Variants in EPS15L1 observed in about 807,000 individuals in gnomAD.
The protein encoded by EPS15L1 is epidermal growth factor receptor pathway substrate 15 like 1.
In EPS15L1, 43 loss-of-function variants were observed where a neutral mutation model predicts 117.1. The observed-to-expected ratio is 0.37, with a 90% CI of 0.29 to 0.47. EPS15L1 has a LOEUF of 0.47. EPS15L1 is among the 20% of genes least tolerant of loss of function. The pLI is 0.99. For synonymous variants in EPS15L1, 459 were observed against 470.5 expected (o/e 0.98, Z 0.32); for missense variants, 981 against 1,164.0 (o/e 0.84, Z 2.29).
chr19:16,431,101 T>C (rs1360730167), intron 7 of EPS15L1, among the ~76,000 whole-genome samples: 16 of 151,512 alleles, frequency 1.1e-4, no homozygotes, highest in Non-Finnish European at 1.9e-4. Flanking sequence ...TAGCTGGGCG[T>C]GATGGGGTGC....
At chr19:16,462,557 G>T (rs1389474200) in intron 1 of EPS15L1, among the ~76,000 whole-genome samples, 4 of 152,208 alleles carry the variant, frequency 2.6e-5, no homozygotes, top group Admixed American at 1.3e-4. Flanking sequence ...TGTAATCCCA[G>T]CTACTTGGGA....
chr19:16,400,669 C>T, intron 16 of EPS15L1: 1 of 985,402 alleles, frequency 1.0e-6, no homozygotes, highest in Non-Finnish European at 1.2e-6. Context: ...AGGATAAAAA[C>T]AGTTTTTCTT....
intron 16 of EPS15L1, among the ~76,000 whole-genome samples, chr19:16,395,976 C>A (rs145868009): frequency 6.7e-6 from 1 of 148,984 alleles, no homozygotes; most frequent in Non-Finnish European, 1.5e-5. Flanking sequence ...GGTGTGGTGG[C>A]GTGTACCTAT....
At chr19:16,403,233 C>G (rs530695711) in intron 15 of EPS15L1, among the ~76,000 whole-genome samples, 345 of 152,254 alleles carry the variant, frequency 2.3e-3, no homozygotes, top group Non-Finnish European at 3.7e-3. Flanking sequence ...AGCCAGCGCC[C>G]CCCCCTGGAC....
chr19:16,417,619 C>T lies in EPS15L1; in HGVS notation c.1126G>A (p.Gly376Ser), dbSNP rs1311247543. Reference sequence around the variant, plus strand: ...TTCACGCCAGTAAACTCCCCGGAGCCGAGAGAGCCTGAACTGTCCTAGAAT... The same window carrying T: ...TTCACGCCAGTAAACTCCCCGGAGCTGAGAGAGCCTGAACTGTCCTAGAAT... ...TPGPDSSGSL[G>S]SGEFTGVKEL... The change falls in exon 12 of 24, where the codon GGC becomes AGC. Residue 376 changes from glycine (G) to serine (S), a missense_variant. By Grantham distance (56) the Gly-to-Ser change is moderately conservative. Around this residue, in one of 5 missense-constraint regions of EPS15L1, gnomAD observed 819 missense variants for 949.0 expected, o/e 0.86. Coordinates refer to ENST00000455140, the MANE Select transcript of EPS15L1 (RefSeq NM_001258374.3). The T allele has an allele frequency of 1.5e-5, 24 of 1,614,154 alleles. No individual in the cohort carries two copies. Among genetic ancestry groups the T allele is most frequent in the Non-Finnish European group, 1.9e-5 (22 of 1,180,002 alleles).
Position 16,437,791 on chromosome 19 carries a change from C to A in EPS15L1, c.288G>T (p.Leu96Phe). 1 of 1,614,026 alleles carries A rather than the reference C, an allele frequency of 6.2e-7. No individual in the cohort carries two copies. The highest frequency in any genetic ancestry group is 1.1e-5 in the South Asian group (1 of 91,068). The change falls in exon 5 of 24, where the codon TTG (leucine) becomes TTT (phenylalanine). Residue 96 changes from leucine to phenylalanine, a missense_variant. Physicochemically the swap from Leu to Phe is conservative, Grantham distance 22. Around this residue, in one of 5 missense-constraint regions of EPS15L1, gnomAD observed 62 missense variants for 104.2 expected, o/e 0.59. Coordinates refer to ENST00000455140, the MANE Select transcript of EPS15L1 (RefSeq NM_001258374.3). ...GHEVTLSNLN[L>F]SMPPPKFHDT... ...TCACAAATTTAGGCGGTGGCATGCT[C>A]AAATTCAGATTGCTCAAGGTAACTT...
Position 16,365,586 on chromosome 19 carries a change from G to A in EPS15L1, c.2381-3602C>T, listed in dbSNP as rs934532153. Among the ~76,000 whole-genome samples the A allele has an allele frequency of 2.0e-5, 3 of 152,184 alleles. No homozygotes were observed. The highest frequency in any genetic ancestry group is 1.3e-4 in the Admixed American group (2 of 15,288). ...GGGAGCCACCAAAGCCACCGGCAGG[G>A]GCACCCTGGGGGACAGTGTGACAGT... On this transcript the variant is annotated intron_variant, in intron 22 of 23. Transcript: ENST00000455140. This position sits in a 1 kb window ranked among gnomAD's most constrained non-coding sequence, Gnocchi z 4.9.
At chr19:16,400,910 G>C (rs2092594052) in intron 16 of EPS15L1, 1 of 985,280 alleles carries the variant, frequency 1.0e-6, no homozygotes, top group Admixed American at 6.2e-5. Flanking sequence ...ACATTTAAGA[G>C]GAAGCTGTTC....
At chr19:16,425,043 G>C in intron 9 of EPS15L1, 40 bp downstream of exon 9, 1 of 1,496,894 alleles carries the variant, frequency 6.7e-7, no homozygotes, top group Non-Finnish European at 9.3e-7. Context: ...ACATCCTACT[G>C]TGCTCTGAGA....
chr19:16,373,838 G>C (rs2144685581), intron 22 of EPS15L1, among the ~76,000 whole-genome samples: 1 of 152,326 alleles, frequency 6.6e-6, no homozygotes, highest in South Asian at 2.1e-4. Context: ...TGTTTGGACT[G>C]TTAGAGGTTA....
chr19:16,421,988 C>A (rs2092818458), intron 9 of EPS15L1, among the ~76,000 whole-genome samples: 1 of 152,188 alleles, frequency 6.6e-6, no homozygotes, highest in East Asian at 1.9e-4. Flanking sequence ...CCTGAGACAA[C>A]AAAGATACCC....
intron 16 of EPS15L1, among the ~76,000 whole-genome samples, chr19:16,397,132 C>T (rs1299707716): frequency 1.3e-5 from 2 of 151,950 alleles, no homozygotes; most frequent in Non-Finnish European, 2.9e-5. Context: ...TCTTGTCATC[C>T]AGGCTGGAGT....
intron 22 of EPS15L1, among the ~76,000 whole-genome samples, chr19:16,362,915 G>GA (rs1290311143): frequency 1.3e-5 from 2 of 152,144 alleles, no homozygotes; most frequent in Non-Finnish European, 2.9e-5. Context: ...GGAACTCCAG[G>GA]ATGCCCGGTC....
rs115909891 is a variant in EPS15L1, at chr19:16,446,384, C to T, written c.34-4165G>A. Among the ~76,000 whole-genome samples the T allele has an allele frequency of 4.0e-3, 605 of 152,290 alleles. 3 individuals carry two copies. The highest frequency in any genetic ancestry group is 0.014 in the African/African-American group (580 of 41,560). On this transcript the variant is annotated intron_variant, in intron 1 of 23. Coordinates refer to ENST00000455140, the MANE Select transcript of EPS15L1 (RefSeq NM_001258374.3). ...TCACTCTCACTCTGCTAGCAAAGTA[C>T]GCGCTCTTGTGCAAAACAAACCAAT...
intron 17 of EPS15L1, among the ~76,000 whole-genome samples, chr19:16,394,908 G>A (rs979763401): frequency 1.3e-5 from 2 of 152,050 alleles, no homozygotes; most frequent in African/African-American, 4.8e-5. Flanking sequence ...CTGGTTAACA[G>A]GGTGAGATAA....
At chr19:16,362,650 C>T (rs947028061) in intron 22 of EPS15L1, among the ~76,000 whole-genome samples, 2 of 150,410 alleles carry the variant, frequency 1.3e-5, no homozygotes, top group African/African-American at 4.9e-5. Context: ...CAGCCTCCTA[C>T]AGGCATGAGC....
chr19:16,439,739 C>T (rs2093011461), intron 4 of EPS15L1, among the ~76,000 whole-genome samples: 1 of 151,504 alleles, frequency 6.6e-6, no homozygotes, highest in South Asian at 2.1e-4. Context: ...GCACCATGAA[C>T]CTCAAAGAAG....
chr19:16,402,546 C>CA, intron 15 of EPS15L1, 61 bp from the exon 16 acceptor site: 2 of 1,238,902 alleles, frequency 1.6e-6, no homozygotes, highest in African/African-American at 3.1e-5. Flanking sequence ...AGAAAAGACG[C>CA]TTTTTTTTTT....
intron 1 of EPS15L1, among the ~76,000 whole-genome samples, chr19:16,452,992 G>T (rs1356466656): frequency 6.6e-6 from 1 of 151,924 alleles, no homozygotes; most frequent in African/African-American, 2.4e-5. Context: ...AGTAGAGACG[G>T]GGTTTCACCG....
Sources: gnomAD v4.1 joint callset for allele counts (sites outside exome capture counted in the v4.1 genomes callset) on GRCh38, gnomAD v4.1.1 for gene constraint, gnomAD v4.1.1 regional missense constraint, Gnocchi (gnomAD v3.1) non-coding constraint, MANE v1.5 for transcripts, NCBI Gene and HGNC (gene_info 2026-07-23, HGNC 2026-07-21) for gene names.